The following PTPN1 variants were observed in gnomAD, a reference collection of about 807,000 sequenced individuals.
PTPN1 encodes the protein tyrosine-protein phosphatase non-receptor type 1.
A neutral mutation model predicts 59.9 loss-of-function variants in PTPN1; 12 were observed. The observed-to-expected ratio is 0.20, with a 90% CI of 0.13 to 0.32. The LOEUF is 0.32. Ranked by LOEUF, PTPN1 falls within the 10% of genes least tolerant of loss-of-function variation. The pLI, the probability that PTPN1 is intolerant of heterozygous loss-of-function variation, is 1.00. For missense variants in PTPN1, 356 were observed against 549.2 expected, an observed-to-expected ratio of 0.65 and a Z score of 3.52; for synonymous variants, 178 against 203.6, an observed-to-expected ratio of 0.87 and a Z score of 1.07.
chr20:50,530,362 G>A (rs919367730), intron 1 of PTPN1, among the ~76,000 whole-genome samples: 5 of 151,708 alleles, frequency 3.3e-5, no homozygotes, highest in Non-Finnish European at 7.4e-5. Context: ...GTTTTAATTT[G>A]TTTTTCTTTT....
At chr20:50,574,951 G>T in intron 5 of PTPN1, 1 of 324,224 alleles carries the variant, frequency 3.1e-6, no homozygotes, top group Non-Finnish European at 5.6e-6. Flanking sequence ...AGAGGGACTG[G>T]AGCGGCAGCC....
intron 7 of PTPN1, 43 bp downstream of exon 7, chr20:50,579,372 C>T (rs999856917): frequency 5.7e-5 from 90 of 1,581,764 alleles, no homozygotes; most frequent in Non-Finnish European, 7.7e-5. Flanking sequence ...ACCATTTTAA[C>T]TTTTTTGTCT....
At chr20:50,533,992 G>A (rs1476658591) in intron 1 of PTPN1, among the ~76,000 whole-genome samples, 3 of 152,076 alleles carry the variant, frequency 2.0e-5, no homozygotes, top group Non-Finnish European at 2.9e-5. Flanking sequence ...GTGCAATGGC[G>A]CGATCTCGGC....
chr20:50,515,970 A>G (rs530986552), intron 1 of PTPN1, among the ~76,000 whole-genome samples: 12 of 152,176 alleles, frequency 7.9e-5, no homozygotes, highest in Non-Finnish European at 1.6e-4. Context: ...GTAGAAGCTG[A>G]TACCACTGAT....
Position 50,579,228 on chromosome 20 carries a change from A to C in PTPN1, c.763A>C (p.Lys255Gln). ...DIKKVLLEMRKFRMGLIQTAD... is the reference protein window; with the variant it reads ...DIKKVLLEMRQFRMGLIQTAD... Reference sequence around the variant, plus strand: ...CAAGAAAGTGCTGTTAGAAATGAGGAAGTTTCGGATGGGGCTGATCCAGAC... The same window carrying C: ...CAAGAAAGTGCTGTTAGAAATGAGGCAGTTTCGGATGGGGCTGATCCAGAC... The change falls in exon 7 of 10, where the codon AAG (lysine) becomes CAG (glutamine). Residue 255 changes from lysine (K) to glutamine (Q), a missense_variant. Lys to Gln is a moderately conservative substitution (Grantham distance 53). This residue lies in a region of PTPN1 where 194 missense variants were observed against 344.2 expected (regional missense o/e 0.56). Coordinates refer to ENST00000371621, the MANE Select transcript of PTPN1 (RefSeq NM_002827.4). 2 of 1,614,198 alleles carry C rather than the reference A, an allele frequency of 1.2e-6. No homozygotes were observed. Among genetic ancestry groups the C allele is most frequent in the Non-Finnish European group, 1.7e-6 (2 of 1,180,024 alleles).
intron 1 of PTPN1, 51 bp downstream of exon 1, chr20:50,510,641 C>T: frequency 1.3e-6 from 2 of 1,535,202 alleles, no homozygotes; most frequent in Non-Finnish European, 1.8e-6. Flanking sequence ...GCCGCTTGAA[C>T]ATCCCCTCAG....
chr20:50,534,920 A>G (rs1362258627), intron 1 of PTPN1, among the ~76,000 whole-genome samples: 1 of 134,426 alleles, frequency 7.4e-6, no homozygotes, highest in Non-Finnish European at 1.6e-5. Flanking sequence ...TTATAGAGAC[A>G]GAGTCTCACT....
chr20:50,538,954 T>C lies in PTPN1; in HGVS notation c.64-22409T>C, dbSNP rs78725209. 9.2e-3 allele frequency among the ~76,000 whole-genome samples: 1,403 copies of C among 152,186 alleles called. 26 individuals are homozygous for C. The highest frequency in any genetic ancestry group is 0.031 in the African/African-American group (1,304 of 41,516). ...TCGGACATAGCTGTAGTATAGAGTGTTGTCTCCCTTACATCCTTCTATCTT... is the reference window on the plus strand; with the variant it reads ...TCGGACATAGCTGTAGTATAGAGTGCTGTCTCCCTTACATCCTTCTATCTT... On this transcript the variant is annotated intron_variant, in intron 1 of 9. Transcript: ENST00000371621.
At chr20:50,566,656 T>C (rs1421536074) in intron 3 of PTPN1, among the ~76,000 whole-genome samples, 1 of 152,064 alleles carries the variant, frequency 6.6e-6, no homozygotes, top group Non-Finnish European at 1.5e-5. Context: ...AAGTCTCTCT[T>C]CTCATTTTTT....
chr20:50,514,264 TCTC>T (rs989988459), intron 1 of PTPN1, among the ~76,000 whole-genome samples: 25 of 152,332 alleles, frequency 1.6e-4, no homozygotes, highest in Middle Eastern at 3.4e-3. Flanking sequence ...TGCCGTTACT[TCTC>T]CTCCATTTTG....
chr20:50,513,141 T>C (rs1380524019), intron 1 of PTPN1, among the ~76,000 whole-genome samples: 1 of 152,228 alleles, frequency 6.6e-6, no homozygotes, highest in African/African-American at 2.4e-5. Flanking sequence ...AGGCAGAGAT[T>C]CTTTGCTAGG....
At chr20:50,529,835 T>C (rs2082592961) in intron 1 of PTPN1, among the ~76,000 whole-genome samples, 2 of 152,116 alleles carry the variant, frequency 1.3e-5, no homozygotes. Flanking sequence ...GGATTTTTAG[T>C]GTTGGTTTGG....
At chr20:50,528,567 A>C (rs1297448028) in intron 1 of PTPN1, among the ~76,000 whole-genome samples, 1 of 152,028 alleles carries the variant, frequency 6.6e-6, no homozygotes, top group Non-Finnish European at 1.5e-5. Context: ...TACAAAAATT[A>C]GCCAGGCGTG....
chr20:50,557,152 T>G (rs990050152), intron 1 of PTPN1, among the ~76,000 whole-genome samples: 4 of 152,210 alleles, frequency 2.6e-5, no homozygotes, highest in African/African-American at 9.7e-5. Flanking sequence ...TCCCAATCTT[T>G]GTTCTGCTGA....
At chr20:50,517,516 C>T (rs929565285) in intron 1 of PTPN1, among the ~76,000 whole-genome samples, 1 of 152,172 alleles carries the variant, frequency 6.6e-6, no homozygotes, top group Middle Eastern at 3.2e-3. Flanking sequence ...GCCTCAGGCT[C>T]CCAAAGTGTT....
At chr20:50,576,754 T>TA (rs1275666191) in intron 5 of PTPN1, among the ~76,000 whole-genome samples, 1 of 151,244 alleles carries the variant, frequency 6.6e-6, no homozygotes, top group Admixed American at 6.6e-5. Context: ...CGGGCACCTG[T>TA]AATCCCAGCT....
At chr20:50,539,821 T>G (rs1005014032) in intron 1 of PTPN1, among the ~76,000 whole-genome samples, 23 of 152,042 alleles carry the variant, frequency 1.5e-4, no homozygotes, top group African/African-American at 5.3e-4. Flanking sequence ...TGTCTTGGTG[T>G]TGGCTGTTTT....
At chr20:50,543,380 C>G (rs745626793) in intron 1 of PTPN1, among the ~76,000 whole-genome samples, 6 of 152,136 alleles carry the variant, frequency 3.9e-5, no homozygotes, top group Non-Finnish European at 5.9e-5. Context: ...TAAATAGTTG[C>G]AAAGAATGAA....
rs1209157184 is a variant in PTPN1 at position 50,579,866 on chromosome 20, A to T, written c.1028A>T (p.Asp343Val). ...WVKEETQEDKDCPIKEEKGSP... is the reference protein window; with the variant it reads ...WVKEETQEDKVCPIKEEKGSP... ...AAGGAAGAGACCCAGGAGGATAAAG[A>T]CTGCCCCATCAAGGAAGAAAAAGGA... The change falls in exon 8 of 10, where the codon GAC (aspartate) becomes GTC (valine). Residue 343 changes from aspartate to valine, a missense_variant. Asp to Val is a radical substitution (Grantham distance 152, BLOSUM62 -3). This residue lies in a region of PTPN1 where 100 missense variants were observed against 107.7 expected (regional missense o/e 0.93). Coordinates refer to ENST00000371621, the MANE Select transcript of PTPN1 (RefSeq NM_002827.4). The T allele has an allele frequency of 2.5e-6, 4 of 1,614,044 alleles. No individual in the cohort carries two copies. The African/African-American group carries it at 5.3e-5, about 22-fold the overall frequency.
Sources: allele counts gnomAD v4.1 joint callset (sites outside exome capture counted in the v4.1 genomes callset), GRCh38; gene constraint gnomAD v4.1.1; regional missense constraint gnomAD v4.1.1; transcripts MANE v1.5; gene names NCBI Gene and HGNC (gene_info 2026-07-23, HGNC 2026-07-21).